The following DMXL1 variants were observed in gnomAD, a reference collection of about 807,000 sequenced individuals.
DMXL1 encodes Dmx like 1, also known as dmX-like protein 1.
Under a neutral mutation model 319.2 loss-of-function variants are expected in DMXL1, and 99 were observed. That is an observed-to-expected ratio of 0.31 (90% CI 0.26 to 0.37). The LOEUF (loss-of-function observed/expected upper bound fraction) is 0.37, where lower values mean the gene tolerates loss of function less well. Among genes scored for constraint, DMXL1 ranks in the 10% least tolerant of loss-of-function variants. The probability of loss-of-function intolerance (pLI) is 1.00; values close to 1 mark genes in which losing one functional copy is unlikely to be tolerated. For synonymous variants in DMXL1, 1,385 were observed against 1,235.2 expected (o/e 1.12, Z -2.54); for missense variants, 3,745 against 3,595.6 (o/e 1.04, Z -1.06).
At chr5:119,113,592 ACTTTTCCCAC>A (rs1207374515) in intron 5 of DMXL1, among the ~76,000 whole-genome samples, 8 of 152,120 alleles carry the variant, frequency 5.3e-5, no homozygotes, top group African/African-American at 1.9e-4. Flanking sequence ...TTCTAGCCCT[ACTTTTCCCAC>A]CTTTTCCTGC....
chr5:119,232,267 A>C (rs1786892956), intron 38 of DMXL1, among the ~76,000 whole-genome samples: 1 of 152,222 alleles, frequency 6.6e-6, no homozygotes, highest in South Asian at 2.1e-4. Flanking sequence ...AGAGCCAGTC[A>C]AATACCTAGT....
intron 29 of DMXL1, among the ~76,000 whole-genome samples, chr5:119,193,198 C>A (rs909574205): frequency 6.6e-6 from 1 of 152,148 alleles, no homozygotes; most frequent in South Asian, 2.1e-4. Context: ...CATTCCCTTA[C>A]ATTCCTTTAC....
At chr5:119,132,866 C>T in intron 10 of DMXL1, 1 of 562,918 alleles carries the variant, frequency 1.8e-6, no homozygotes, top group Non-Finnish European at 3.2e-6. Context: ...TGTGCAAGGG[C>T]AAAAGTAGAT....
intron 6 of DMXL1, among the ~76,000 whole-genome samples, chr5:119,115,914 G>T (rs1273214952): frequency 2.0e-5 from 3 of 151,934 alleles, no homozygotes; most frequent in Non-Finnish European, 4.4e-5. Context: ...CCTTACTCTA[G>T]TAATTAGCAA....
intron 42 of DMXL1, among the ~76,000 whole-genome samples, chr5:119,241,475 C>T (rs1788789121): frequency 6.9e-6 from 1 of 144,672 alleles, no homozygotes; most frequent in Non-Finnish European, 1.5e-5. Context: ...GCGGAGCTTG[C>T]AGTGAGCTGA....
At chr5:119,194,262 A>C (rs568370750) in intron 30 of DMXL1, among the ~76,000 whole-genome samples, 64 of 152,290 alleles carry the variant, frequency 4.2e-4, no homozygotes, top group African/African-American at 1.5e-3. Flanking sequence ...AATTTGCATC[A>C]TTCCTCACAG....
intron 4 of DMXL1, among the ~76,000 whole-genome samples, chr5:119,106,602 C>CT (rs1463126441): frequency 6.6e-6 from 1 of 152,046 alleles, no homozygotes; most frequent in Admixed American, 6.6e-5. Context: ...TTATGGTTGT[C>CT]TAAAAACTAT....
At chr5:119,148,689 A>G in intron 17 of DMXL1, 50 bp from the exon 18 acceptor site, 3 of 1,542,398 alleles carry the variant, frequency 1.9e-6, no homozygotes, top group Non-Finnish European at 2.6e-6. Context: ...ATAAAAACAG[A>G]AGTATTTAAC....
chr5:119,155,721 A>G (rs1442293368), intron 19 of DMXL1, among the ~76,000 whole-genome samples: 1 of 150,398 alleles, frequency 6.6e-6, no homozygotes, highest in Non-Finnish European at 1.5e-5. Context: ...CTAGCTATTC[A>G]GGGAGCTGAA....
Position 119,189,716 on chromosome 5 carries a change from C to A in DMXL1, c.7144C>A (p.Leu2382Ile). 6.2e-7 allele frequency: 1 copy of A among 1,613,144 alleles called. No individual in the cohort carries two copies. Among genetic ancestry groups the A allele is most frequent in the South Asian group, 1.1e-5 (1 of 91,048 alleles). Residue 2382 changes from leucine to isoleucine, a missense_variant, in exon 29 of 44, where the codon CTA becomes ATA. Coordinates refer to ENST00000539542, the MANE Select transcript of DMXL1 (RefSeq NM_001290321.3). Reference protein sequence around the residue: ...THSKTLPVSSLVEEGEKQNKR... With the variant: ...THSKTLPVSSIVEEGEKQNKR... ...TATTTTCTTTTTGTTAGTTTCTTCA[C>A]TAGTTGAAGAAGGAGAAAAACAGAA...
rs541774219 is a variant in DMXL1 at position 119,185,131 on chromosome 5, GC to G, written c.7136-4572del. 1.6e-3 allele frequency among the ~76,000 whole-genome samples: 237 copies of G among 151,086 alleles called. 1 individual carries two copies. Among genetic ancestry groups the G allele is most frequent in the African/African-American group, 5.6e-3 (230 of 41,070 alleles). Reference sequence around the variant, plus strand: ...CTTTCCTCTGCTTTCACCTCCACCTGCCCCCATCTCTCCTTTCTTCTTGTCC... The same window carrying G: ...CTTTCCTCTGCTTTCACCTCCACCTGCCCCATCTCTCCTTTCTTCTTGTCC... On this transcript the variant is annotated intron_variant, in intron 28 of 43. Transcript: ENST00000539542.
intron 1 of DMXL1, among the ~76,000 whole-genome samples, chr5:119,084,636 G>C (rs1278749488): frequency 2.6e-5 from 4 of 152,068 alleles, no homozygotes; most frequent in Non-Finnish European, 5.9e-5. Context: ...GGCTGAGGCG[G>C]GTGGATCATC....
chr5:119,125,356 C>T (rs1251794384), intron 9 of DMXL1, among the ~76,000 whole-genome samples: 1 of 152,136 alleles, frequency 6.6e-6, no homozygotes, highest in Admixed American at 6.5e-5. Flanking sequence ...TCCCCACCTG[C>T]TGCTTACGGA....
At chr5:119,221,184 G>C in intron 37 of DMXL1, 103 bp downstream of exon 37, 1 of 799,682 alleles carries the variant, frequency 1.3e-6, no homozygotes, top group Admixed American at 3.1e-5. Flanking sequence ...AATTCCTAAA[G>C]TTTTAGTAAG....
chr5:119,096,177 ATTT>A (rs74454483), intron 1 of DMXL1, among the ~76,000 whole-genome samples: 5 of 142,030 alleles, frequency 3.5e-5, no homozygotes, highest in Non-Finnish European at 4.6e-5. Flanking sequence ...ATGAAGTATA[ATTT>A]TTTTTTTTTT....
At position 119,248,227 on chromosome 5, in the gene DMXL1, C is replaced by T. The variant is rs1461321667; in HGVS notation, c.*1008C>T. On this transcript the variant is annotated 3_prime_UTR_variant, in exon 44 of 44. Coordinates refer to ENST00000539542, the MANE Select transcript of DMXL1 (RefSeq NM_001290321.3). ...AAGCGAATAGCAGTGTTTTCAGAAA[C>T]AAATGTGAAAGCAGTCAAATTAAGT... The T allele has an allele frequency of 3.3e-5, 5 of 152,308 alleles. No homozygotes were observed. The highest frequency in any genetic ancestry group is 1.5e-5 in the Non-Finnish European group (1 of 67,910). The allele number at this position is 152,308 out of a possible 1,614,324, so 9.4% of individuals were successfully genotyped here.
intron 1 of DMXL1, among the ~76,000 whole-genome samples, chr5:119,076,103 GACTA>G (rs1750799904): frequency 2.0e-5 from 3 of 152,204 alleles, no homozygotes; most frequent in East Asian, 1.9e-4. Flanking sequence ...CAATATATAA[GACTA>G]ACTGTCTCTG....
At chr5:119,147,642 C>T (rs1000087663) in intron 17 of DMXL1, 172 bp downstream of exon 17, 7 of 505,922 alleles carry the variant, frequency 1.4e-5, no homozygotes, top group African/African-American at 1.4e-4. Flanking sequence ...TTTCAGATTA[C>T]TCTGACATTT....
rs1758137294 is a variant in DMXL1 at position 119,105,507 on chromosome 5, A to G, written c.364+249A>G. Among the ~76,000 whole-genome samples the G allele has an allele frequency of 4.6e-5, 7 of 152,204 alleles. No homozygotes were observed. In the South Asian group the frequency reaches 1.2e-3, roughly 27 times the overall value. On this transcript the variant is annotated intron_variant, in intron 4 of 43. Coordinates refer to ENST00000539542, the MANE Select transcript of DMXL1 (RefSeq NM_001290321.3). ...TTTGGAAAGAGATATTTCTCTGGAG[A>G]ATTAACGTTTCATTGAAAAGGAGCC...
Sources: gnomAD v4.1 joint callset for allele counts (sites outside exome capture counted in the v4.1 genomes callset) on GRCh38, gnomAD v4.1.1 for gene constraint, MANE v1.5 for transcripts, NCBI Gene and HGNC (gene_info 2026-07-23, HGNC 2026-07-21) for gene names.